The following CNTNAP3B variants were observed in gnomAD, a reference collection of about 807,000 sequenced individuals.
The protein encoded by CNTNAP3B is contactin associated protein family member 3B.
CNTNAP3B carries 25 observed loss-of-function variants against 108.9 expected under a neutral mutation model. The ratio of observed to expected loss-of-function variants is 0.23; its 90% CI spans 0.17 to 0.32. The LOEUF is 0.32. Among genes scored for constraint, CNTNAP3B ranks in the 10% least tolerant of loss-of-function variants. The pLI, the probability that CNTNAP3B is intolerant of heterozygous loss-of-function variation, is 1.00. For missense variants in CNTNAP3B, 252 were observed against 1,210.4 expected, an observed-to-expected ratio of 0.21 and a Z score of 11.75; for synonymous variants, 103 against 473.4, an observed-to-expected ratio of 0.22 and a Z score of 10.16.
intron 12 of CNTNAP3B, among the ~76,000 whole-genome samples, chr9:41,954,492 G>A (rs538963978): frequency 2.8e-4 from 43 of 152,378 alleles, no homozygotes; most frequent in African/African-American, 1.0e-3. Flanking sequence ...GAGAGCAAAG[G>A]TGTGATACCC....
At chr9:41,931,352 G>A (rs1294931388) in intron 14 of CNTNAP3B, among the ~76,000 whole-genome samples, 1 of 152,124 alleles carries the variant, frequency 6.6e-6, no homozygotes, top group Non-Finnish European at 1.5e-5. Flanking sequence ...TGGCTATTTT[G>A]AAATATCCAA....
intron 13 of CNTNAP3B, among the ~76,000 whole-genome samples, chr9:41,952,854 T>A (rs1219540282): frequency 6.7e-6 from 1 of 150,362 alleles, no homozygotes; most frequent in Non-Finnish European, 1.5e-5. Flanking sequence ...CATGAAGAAC[T>A]GTTAGACCCA....
chr9:42,107,630 C>A (rs1371371250), intron 1 of CNTNAP3B, among the ~76,000 whole-genome samples: 2 of 129,252 alleles, frequency 1.5e-5, no homozygotes, highest in East Asian at 4.9e-4. Flanking sequence ...CAAAGAGTCA[C>A]CTTGTAATGA....
chr9:42,100,200 C>T lies in CNTNAP3B; in HGVS notation c.196+4429G>A, dbSNP rs1354039443. ...TGCCCTTTCTCTCTTAATAATTCTC[C>T]TTAATATCCCACATTCCTTTAACCT... On this transcript the variant is annotated intron_variant, in intron 2 of 23. Transcript: ENST00000377561. Among the ~76,000 whole-genome samples, 28 of 74,674 alleles carry T rather than the reference C, an allele frequency of 3.7e-4. 9 individuals are homozygous for T. The highest frequency in any genetic ancestry group is 6.2e-4 in the Non-Finnish European group (22 of 35,744). 49.0% of individuals were successfully genotyped at this position (74,674 alleles called of 152,430 possible). A position where few individuals can be genotyped will look rare whatever the true frequency, so the allele number is the denominator to read the frequency against.
chr9:41,962,577 G>A (rs572278279), intron 11 of CNTNAP3B, among the ~76,000 whole-genome samples: 5 of 144,566 alleles, frequency 3.5e-5, no homozygotes, highest in Non-Finnish European at 6.0e-5. Context: ...ATACACAGAA[G>A]TAAAAGATGT....
Position 42,124,964 on chromosome 9 carries a change from T to C in CNTNAP3B, c.85+4046A>G, listed in dbSNP as rs974564687. Among the ~76,000 whole-genome samples the C allele has an allele frequency of 1.2e-4, 16 of 137,008 alleles. 3 individuals carry two copies. Among genetic ancestry groups the C allele is most frequent in the Admixed American group, 9.5e-4 (13 of 13,666 alleles). The allele number at this position is 137,008 out of a possible 152,430, so 89.9% of individuals were successfully genotyped here. On this transcript the variant is annotated intron_variant, in intron 1 of 23. Transcript: ENST00000377561. ...TATTCTGAGTTTTTCTATTGGTCCA[T>C]GTTTCCTTTAAACACAATTTTGAAT...
chr9:41,934,100 C>CATATATATGTGTATATATAT (rs1314834829), intron 14 of CNTNAP3B, among the ~76,000 whole-genome samples: 1 of 90,224 alleles, frequency 1.1e-5, no homozygotes, highest in East Asian at 2.9e-4. Flanking sequence ...ATATTTGTTA[C>CATATATATGTGTATATATAT]ATATATATAT....
rs1235304587 is a variant in CNTNAP3B, at chr9:41,958,664, G to A, written c.1876+2109C>T. Among the ~76,000 whole-genome samples, 5 of 151,812 alleles carry A rather than the reference G, an allele frequency of 3.3e-5. No homozygotes were observed. In the East Asian group the frequency reaches 5.8e-4, roughly 18 times the overall value. ...TACATGGGACAGGATGGCCAGAGGTGGGTAATTTCCTTCCTCCAGGCAGGT... is the reference window on the plus strand; with the variant it reads ...TACATGGGACAGGATGGCCAGAGGTAGGTAATTTCCTTCCTCCAGGCAGGT... On this transcript the variant is annotated intron_variant, in intron 12 of 23. Transcript: ENST00000377561.
At chr9:41,925,474 T>A (rs1405460451) in intron 15 of CNTNAP3B, among the ~76,000 whole-genome samples, 5 of 152,298 alleles carry the variant, frequency 3.3e-5, no homozygotes, top group Non-Finnish European at 5.9e-5. Flanking sequence ...GTGCCTGTAG[T>A]CCCAGCTAGT....
chr9:42,118,221 C>T (rs1434909197), intron 1 of CNTNAP3B, among the ~76,000 whole-genome samples: 2 of 138,862 alleles, frequency 1.4e-5, no homozygotes, highest in Non-Finnish European at 3.1e-5. Flanking sequence ...GAGACACAAA[C>T]AAAAAAGAGA....
intron 11 of CNTNAP3B, among the ~76,000 whole-genome samples, chr9:41,962,285 G>T: frequency 1.3e-5 from 2 of 152,384 alleles, no homozygotes; most frequent in South Asian, 4.1e-4. Context: ...GTCTCACAGT[G>T]AATGACTGTG....
intron 2 of CNTNAP3B, among the ~76,000 whole-genome samples, chr9:42,095,384 G>A (rs1370682201): frequency 7.2e-6 from 1 of 139,194 alleles, no homozygotes; most frequent in African/African-American, 2.9e-5. Flanking sequence ...CACCTTTGAT[G>A]TACTTGGCTC....
intron 14 of CNTNAP3B, among the ~76,000 whole-genome samples, chr9:41,929,945 G>C (rs1354559773): frequency 9.9e-5 from 15 of 152,118 alleles, no homozygotes; most frequent in African/African-American, 3.6e-4. Flanking sequence ...AATGATTACA[G>C]AGAAGGGGAA....
chr9:42,111,900 C>A lies in CNTNAP3B; in HGVS notation c.86-7161G>T, dbSNP rs1587280470. Among the ~76,000 whole-genome samples the A allele has an allele frequency of 1.4e-5, 2 of 138,910 alleles. 1 individual carries two copies. The highest frequency in any genetic ancestry group is 4.4e-4 in the East Asian group (2 of 4,586). The allele number at this position is 138,910 out of a possible 152,430, so 91.1% of individuals were successfully genotyped here. ...CCAGCCACACACACACCTTACATAT[C>A]ACCAGAGCAGAAACGGTTTTAAACT... On this transcript the variant is annotated intron_variant, in intron 1 of 23. Transcript: ENST00000377561.
intron 1 of CNTNAP3B, among the ~76,000 whole-genome samples, chr9:42,120,554 C>A (rs1828438306): frequency 7.3e-6 from 1 of 137,772 alleles, no homozygotes; most frequent in East Asian, 2.2e-4. Flanking sequence ...TTCACAATAG[C>A]AAGACTTGGA....
chr9:41,929,962 A>G (rs1182521056), intron 14 of CNTNAP3B, among the ~76,000 whole-genome samples: 2 of 152,172 alleles, frequency 1.3e-5, no homozygotes, highest in Non-Finnish European at 2.9e-5. Flanking sequence ...GGAAAAATCA[A>G]GAAGGTAACT....
At chr9:41,952,541 G>A (rs1289704955) in intron 13 of CNTNAP3B, among the ~76,000 whole-genome samples, 2 of 152,250 alleles carry the variant, frequency 1.3e-5, no homozygotes, top group African/African-American at 4.8e-5. Context: ...CCGGAAAGGA[G>A]GGGGAAGTTG....
chr9:42,128,955 A>T, intron 1 of CNTNAP3B, 55 bp downstream of exon 1: 1 of 1,432,654 alleles, frequency 7.0e-7, no homozygotes, highest in Non-Finnish European at 9.2e-7. Context: ...TAATAAAAAA[A>T]TACAAAGTTT....
chr9:41,926,461 AATTT>A (rs1291660369), intron 15 of CNTNAP3B, among the ~76,000 whole-genome samples: 4 of 152,382 alleles, frequency 2.6e-5, no homozygotes, highest in Admixed American at 6.5e-5. Context: ...TTCATTAATC[AATTT>A]ATTTATTTAT....
Sources: allele counts gnomAD v4.1 joint callset (sites outside exome capture counted in the v4.1 genomes callset), GRCh38; gene constraint gnomAD v4.1.1; transcripts MANE v1.5; gene names NCBI Gene and HGNC (gene_info 2026-07-23, HGNC 2026-07-21).